SPECC1: variants seen among roughly 807,000 people sequenced by gnomAD.
The protein encoded by SPECC1 is sperm antigen with calponin homology and coiled-coil domains 1.
A neutral mutation model predicts 104.1 loss-of-function variants in SPECC1; 62 were observed. The ratio of observed to expected loss-of-function variants is 0.60; its 90% CI spans 0.49 to 0.74. The LOEUF is 0.74. Ranked by LOEUF, SPECC1 falls within the 30% of genes least tolerant of loss-of-function variation. The pLI is 0.00. For missense variants in SPECC1, 1,306 were observed against 1,310.5 expected, an observed-to-expected ratio of 1.00 and a Z score of 0.05; for synonymous variants, 513 against 501.6, an observed-to-expected ratio of 1.02 and a Z score of -0.30.
At chr17:20,137,554 T>C (rs2030152995) in intron 3 of SPECC1, among the ~76,000 whole-genome samples, 1 of 152,320 alleles carries the variant, frequency 6.6e-6, no homozygotes, top group Middle Eastern at 3.4e-3. Flanking sequence ...AAAAACAAAC[T>C]TAAAAAAATC....
chr17:20,287,452 A>AAAAAAAAAAAAAG (rs2040995616), intron 12 of SPECC1, among the ~76,000 whole-genome samples: 1 of 135,184 alleles, frequency 7.4e-6, no homozygotes, highest in African/African-American at 2.7e-5. Context: ...AAAAAAAAAA[A>AAAAAAAAAAAAAG]AAATGACATG....
chr17:20,149,779 C>T (rs2031816396), intron 3 of SPECC1, among the ~76,000 whole-genome samples: 1 of 152,024 alleles, frequency 6.6e-6, no homozygotes, highest in Non-Finnish European at 1.5e-5. Flanking sequence ...TGCTTTCTAG[C>T]GGAGTAAACT....
chr17:20,266,477 G>T (rs1028650055), intron 12 of SPECC1, among the ~76,000 whole-genome samples: 1 of 152,176 alleles, frequency 6.6e-6, no homozygotes, highest in Admixed American at 6.5e-5. Context: ...CCAGCTGCTC[G>T]GGAGGCTGAG....
rs185614441 is a variant in SPECC1, at chr17:20,240,757, T to G, written c.2352-5169T>G. On this transcript the variant is annotated intron_variant, in intron 7 of 14. Transcript: ENST00000395527. Reference sequence around the variant, plus strand: ...CTTTCTCTTTTGAGTTAGCTCTGCTTTAAAATATTCATAGATTATTAGATT... The same window carrying G: ...CTTTCTCTTTTGAGTTAGCTCTGCTGTAAAATATTCATAGATTATTAGATT... 1.3e-3 allele frequency among the ~76,000 whole-genome samples: 204 copies of G among 152,374 alleles called. 1 individual carries two copies. Among genetic ancestry groups the G allele is most frequent in the Middle Eastern group, 3.4e-3 (1 of 294 alleles).
At chr17:20,055,712 G>A (rs1298813912) in intron 1 of SPECC1, among the ~76,000 whole-genome samples, 1 of 152,172 alleles carries the variant, frequency 6.6e-6, no homozygotes. Flanking sequence ...AGAGTCTTTG[G>A]GGATGAGGGT....
chr17:20,222,631 TTTAA>T, intron 4 of SPECC1, among the ~76,000 whole-genome samples: 1 of 152,362 alleles, frequency 6.6e-6, no homozygotes, highest in East Asian at 1.9e-4. Flanking sequence ...AGTCTTTCTG[TTTAA>T]GATACGAGTA....
At chr17:20,222,089 T>G (rs531007797) in intron 4 of SPECC1, among the ~76,000 whole-genome samples, 36 of 151,844 alleles carry the variant, frequency 2.4e-4, no homozygotes, top group Non-Finnish European at 4.6e-4. Context: ...ATCCCAGCGC[T>G]TTGGGAGGCC....
intron 4 of SPECC1, among the ~76,000 whole-genome samples, chr17:20,224,451 C>T (rs1224624223): frequency 6.6e-6 from 1 of 152,174 alleles, no homozygotes; most frequent in East Asian, 1.9e-4. Flanking sequence ...CCCTTCTAGC[C>T]CAGAGTGGGT....
At chr17:20,076,194 C>T (rs1443599803) in intron 1 of SPECC1, among the ~76,000 whole-genome samples, 1 of 152,168 alleles carries the variant, frequency 6.6e-6, no homozygotes, top group Non-Finnish European at 1.5e-5. Flanking sequence ...CATAGTTTCA[C>T]AATTATTACT....
Position 20,311,582 on chromosome 17 carries a change from G to A in SPECC1, c.3118-2394G>A, listed in dbSNP as rs150003144. ...ATTTTTTTGTATTTTTAGTAGAGACGGAGTTTCAACATGTTTGCCAGGCCT... is the reference window on the plus strand; with the variant it reads ...ATTTTTTTGTATTTTTAGTAGAGACAGAGTTTCAACATGTTTGCCAGGCCT... On this transcript the variant is annotated intron_variant, in intron 14 of 14. Coordinates refer to ENST00000395527, the MANE Select transcript of SPECC1 (RefSeq NM_001243439.2). Among the ~76,000 whole-genome samples, 250 of 152,070 alleles carry A rather than the reference G, an allele frequency of 1.6e-3. 2 individuals are homozygous for A. The highest frequency in any genetic ancestry group is 5.4e-3 in the African/African-American group (225 of 41,482).
At position 20,096,741 on chromosome 17, in the gene SPECC1, C is replaced by A. The variant is rs199639674; in HGVS notation, c.90C>A (p.Ser30=). ...DRVRPLPAAS[S]GMKSSKSSTS... is the part of the protein sequence containing the mutation. ...TGCGGCCTCTGCCTGCAGCCTCTTC[C>A]GGCATGAAGAGTTCTAAGTCTTCAA... The change falls in exon 2 of 15, where the codon TCC becomes TCA. Residue 30 remains serine (S), a synonymous_variant. Coordinates refer to ENST00000395527, the MANE Select transcript of SPECC1 (RefSeq NM_001243439.2). 9 of 1,614,112 alleles carry A rather than the reference C, an allele frequency of 5.6e-6. No individual in the cohort carries two copies. The highest frequency in any genetic ancestry group is 1.1e-5 in the South Asian group (1 of 91,092).
chr17:20,051,047 GTTCTTTCT>G (rs1392415812), intron 1 of SPECC1, among the ~76,000 whole-genome samples: 1 of 143,012 alleles, frequency 7.0e-6, no homozygotes, highest in Admixed American at 7.1e-5. Flanking sequence ...TAAGCACTTG[GTTCTTTCT>G]TTCTTTCTTT....
At chr17:20,162,854 C>T (rs1014030092) in intron 3 of SPECC1, among the ~76,000 whole-genome samples, 12 of 152,174 alleles carry the variant, frequency 7.9e-5, no homozygotes, top group African/African-American at 2.9e-4. Flanking sequence ...ATGGAGAAGC[C>T]TTGTCTCTAC....
intron 3 of SPECC1, among the ~76,000 whole-genome samples, chr17:20,192,168 A>G (rs2035715369): frequency 6.6e-6 from 1 of 151,906 alleles, no homozygotes; most frequent in Non-Finnish European, 1.5e-5. Flanking sequence ...AGGGGTCTCA[A>G]GGCTGCCCAG....
chr17:20,054,937 G>A (rs1408162596), intron 1 of SPECC1, among the ~76,000 whole-genome samples: 2 of 152,082 alleles, frequency 1.3e-5, no homozygotes, highest in Non-Finnish European at 2.9e-5. Context: ...CACATTTGTG[G>A]ATCTACTACA....
intron 9 of SPECC1, among the ~76,000 whole-genome samples, chr17:20,249,166 T>C (rs1179548226): frequency 6.6e-6 from 1 of 152,146 alleles, no homozygotes; most frequent in African/African-American, 2.4e-5. Flanking sequence ...ATGCCTGTAA[T>C]CCTAGCATTT....
chr17:20,015,758 G>A (rs1334910199), intron 1 of SPECC1, among the ~76,000 whole-genome samples: 5 of 149,692 alleles, frequency 3.3e-5, no homozygotes, highest in Non-Finnish European at 7.4e-5. Context: ...CTAATTTTTT[G>A]TATTTTTAGT....
chr17:20,097,659 G>A (rs1027808198), intron 2 of SPECC1, among the ~76,000 whole-genome samples: 4 of 152,100 alleles, frequency 2.6e-5, no homozygotes, highest in African/African-American at 9.7e-5. Flanking sequence ...CATGGTGCCG[G>A]CTCCCTTTGT....
chr17:20,237,424 C>T (rs2038984353), intron 7 of SPECC1: 1 of 367,206 alleles, frequency 2.7e-6, no homozygotes, highest in East Asian at 7.5e-5. Flanking sequence ...AAGTGATTCT[C>T]TTGCCTCAGC....
Sources: gnomAD v4.1 joint callset for allele counts (sites outside exome capture counted in the v4.1 genomes callset) on GRCh38, gnomAD v4.1.1 for gene constraint, MANE v1.5 for transcripts, NCBI Gene and HGNC (gene_info 2026-07-23, HGNC 2026-07-21) for gene names.